Variants in CAMTA1 observed in about 807,000 individuals in gnomAD.
CAMTA1 encodes the protein calmodulin binding transcription activator 1, also known as calmodulin-binding transcription activator 1.
CAMTA1 carries 27 observed loss-of-function variants against 170.9 expected under a neutral mutation model. That is an observed-to-expected ratio of 0.16 (90% confidence interval 0.12 to 0.22). The LOEUF is 0.22. Ranked by LOEUF, CAMTA1 falls within the 10% of genes least tolerant of loss-of-function variation. CAMTA1 has a pLI of 1.00. For missense variants in CAMTA1, 1,619 were observed against 2,217.2 expected (o/e 0.73, Z 5.42); for synonymous variants, 833 against 891.5 (o/e 0.93, Z 1.17).
rs541003922 is a variant in CAMTA1 at position 6,933,400 on chromosome 1, C to T, written c.234+108190C>T. On this transcript the variant is annotated intron_variant, in intron 3 of 22. Transcript: ENST00000303635. ...TCAGCCTCCTGAGTAGCTGGGATTA[C>T]AGGCACATGCCACCAACCCTGGCTA... 7.9e-5 allele frequency among the ~76,000 whole-genome samples: 12 copies of T among 152,206 alleles called. No homozygotes were observed. The South Asian group carries it at 1.9e-3, about 24-fold the overall frequency.
intron 3 of CAMTA1, among the ~76,000 whole-genome samples, chr1:6,882,719 T>A (rs1671964086): frequency 6.6e-6 from 1 of 151,944 alleles, no homozygotes; most frequent in African/African-American, 2.4e-5. Context: ...AGATTTTGAG[T>A]GTTTTCAGCA....
chr1:6,887,999 T>C lies in CAMTA1; in HGVS notation c.234+62789T>C. ...GTCCAGAGGCCTCCGTGACCATCCA[T>C]GATGCCACTCTGTCCCCTCAGCAAG... On this transcript the variant is annotated intron_variant, in intron 3 of 22. Coordinates refer to ENST00000303635, the MANE Select transcript of CAMTA1 (RefSeq NM_015215.4). The surrounding 1 kb of genome is among the most constrained non-coding windows in gnomAD (Gnocchi z 4.1). 1 of 1,159,428 alleles carries C rather than the reference T, an allele frequency of 8.6e-7. No individual in the cohort carries two copies. The highest frequency in any genetic ancestry group is 2.3e-5 in the South Asian group (1 of 42,812). The allele number at this position is 1,159,428 out of a possible 1,614,324, so 71.8% of individuals were successfully genotyped here. A position where few individuals can be genotyped will look rare whatever the true frequency, so the allele number is the denominator to read the frequency against.
intron 5 of CAMTA1, among the ~76,000 whole-genome samples, chr1:7,306,364 T>G (rs1465169106): frequency 6.6e-6 from 1 of 152,026 alleles, no homozygotes; most frequent in Non-Finnish European, 1.5e-5. Flanking sequence ...GATGTCTTAT[T>G]GTTCTAATAC....
At position 7,050,506 on chromosome 1, in the gene CAMTA1, C is replaced by A. The variant is rs141957804; in HGVS notation, c.235-40798C>A. 3.2e-3 allele frequency among the ~76,000 whole-genome samples: 485 copies of A among 152,182 alleles called. 2 individuals are homozygous for A. Among genetic ancestry groups the A allele is most frequent in the African/African-American group, 0.011 (453 of 41,512 alleles). On this transcript the variant is annotated intron_variant, in intron 3 of 22. Transcript: ENST00000303635. The surrounding 1 kb of genome is among the most constrained non-coding windows in gnomAD (Gnocchi z 4.8). The stretch of plus-strand genomic sequence containing the variant: ...GGCCTTGGCTGCATCAAACACATCG[C>A]GGGGGTGTGGAGTCTAGGGCTGAAG...
In CAMTA1 at chr1:7,706,644, A is replaced by G. The variant is rs1558180056; in HGVS notation, c.2915-25804A>G. On this transcript the variant is annotated intron_variant, in intron 11 of 22. Coordinates refer to ENST00000303635, the MANE Select transcript of CAMTA1 (RefSeq NM_015215.4). ...AGAGAGTAATAATGTTTAATGTCCA[A>G]GAAAATAGCATTTACTTACAGCGTA... Among the ~76,000 whole-genome samples the G allele has an allele frequency of 1.3e-5, 2 of 152,248 alleles. 1 individual carries two copies. Among genetic ancestry groups the G allele is most frequent in the Non-Finnish European group, 2.9e-5 (2 of 68,046 alleles).
chr1:6,843,724 C>T (rs1222101667), intron 3 of CAMTA1, among the ~76,000 whole-genome samples: 1 of 152,200 alleles, frequency 6.6e-6, no homozygotes, highest in Non-Finnish European at 1.5e-5. Flanking sequence ...AGGTGATCCA[C>T]CTGCCTCAGC....
intron 1 of CAMTA1, among the ~76,000 whole-genome samples, chr1:6,812,206 A>C (rs1645252184): frequency 6.6e-6 from 1 of 152,130 alleles, no homozygotes; most frequent in Non-Finnish European, 1.5e-5. Context: ...TAGGGAGAGA[A>C]CCGTGTTTTC....
chr1:7,376,107 C>T (rs2086825498), intron 5 of CAMTA1, among the ~76,000 whole-genome samples: 1 of 152,208 alleles, frequency 6.6e-6, no homozygotes, highest in South Asian at 2.1e-4. Flanking sequence ...TAAGGGCTCC[C>T]TTGGGTCTTG....
chr1:7,227,797 A>G (rs774834053), intron 4 of CAMTA1, among the ~76,000 whole-genome samples: 2 of 152,178 alleles, frequency 1.3e-5, no homozygotes, highest in Non-Finnish European at 2.9e-5. Flanking sequence ...ACAGGATTGT[A>G]TGCTGCGTGA....
At chr1:7,126,648 G>A (rs1424433654) in intron 4 of CAMTA1, among the ~76,000 whole-genome samples, 1 of 152,150 alleles carries the variant, frequency 6.6e-6, no homozygotes, top group African/African-American at 2.4e-5. Flanking sequence ...AACTTACTAT[G>A]CTTTTAACAT....
chr1:7,472,451 C>T (rs1168200980), intron 6 of CAMTA1, among the ~76,000 whole-genome samples: 1 of 152,158 alleles, frequency 6.6e-6, no homozygotes, highest in East Asian at 1.9e-4. Context: ...CTCCACCACG[C>T]ACCACACTTC....
At chr1:7,689,484 C>A (rs2096287181) in intron 11 of CAMTA1, among the ~76,000 whole-genome samples, 3 of 151,798 alleles carry the variant, frequency 2.0e-5, no homozygotes, top group Non-Finnish European at 1.5e-5. Context: ...GAGGCTGAGG[C>A]AGGAGGATCG....
intron 4 of CAMTA1, among the ~76,000 whole-genome samples, chr1:7,209,937 T>C (rs1015610010): frequency 1.3e-5 from 2 of 152,254 alleles, no homozygotes; most frequent in African/African-American, 4.8e-5. Flanking sequence ...ATCTGTCTTA[T>C]CATTCTGTAT....
chr1:7,582,296 G>A (rs573560328), intron 6 of CAMTA1, among the ~76,000 whole-genome samples: 9 of 152,260 alleles, frequency 5.9e-5, no homozygotes, highest in East Asian at 1.9e-4. Flanking sequence ...AATGCAATGC[G>A]TTACTGACCT....
chr1:7,290,462 G>T (rs1169450861), intron 5 of CAMTA1, among the ~76,000 whole-genome samples: 1 of 152,178 alleles, frequency 6.6e-6, no homozygotes, highest in Non-Finnish European at 1.5e-5. Context: ...CTGGGCAGGG[G>T]ACACCTGCCT....
At chr1:6,793,576 A>G (rs1463690413) in intron 1 of CAMTA1, among the ~76,000 whole-genome samples, 1 of 152,202 alleles carries the variant, frequency 6.6e-6, no homozygotes, top group Admixed American at 6.5e-5. Flanking sequence ...TTTCAGCTAA[A>G]TTTAGTGTCT....
At chr1:7,557,456 T>C (rs1188242844) in intron 6 of CAMTA1, among the ~76,000 whole-genome samples, 1 of 152,228 alleles carries the variant, frequency 6.6e-6, no homozygotes, top group Admixed American at 6.5e-5. Context: ...TGGATGCTTT[T>C]CCAGCTGTTC....
intron 3 of CAMTA1, among the ~76,000 whole-genome samples, chr1:6,893,080 G>C (rs1328848476): frequency 9.9e-5 from 15 of 152,020 alleles, no homozygotes; most frequent in African/African-American, 1.9e-4. Flanking sequence ...AGGAGTTCGA[G>C]ACCAGCCTGG....
chr1:7,172,746 T>C (rs1649920643), intron 4 of CAMTA1, among the ~76,000 whole-genome samples: 1 of 152,204 alleles, frequency 6.6e-6, no homozygotes, highest in African/African-American at 2.4e-5. Flanking sequence ...GACACTGGAC[T>C]CAGCAGAAAG....
Sources: gnomAD v4.1 joint callset for allele counts (sites outside exome capture counted in the v4.1 genomes callset) on GRCh38, gnomAD v4.1.1 for gene constraint, Gnocchi (gnomAD v3.1) non-coding constraint, MANE v1.5 for transcripts, NCBI Gene and HGNC (gene_info 2026-07-23, HGNC 2026-07-21) for gene names.